The following WDR37 variants were observed in gnomAD, a reference collection of about 807,000 sequenced individuals.
WDR37 encodes the protein WD repeat-containing protein 37.
In WDR37, 19 loss-of-function variants were observed where a neutral mutation model predicts 62.9. The ratio of observed to expected loss-of-function variants is 0.30; its 90% CI spans 0.21 to 0.44. The LOEUF (loss-of-function observed/expected upper bound fraction) is 0.44, where lower values mean the gene tolerates loss of function less well. Ranked by LOEUF, WDR37 falls within the 20% of genes least tolerant of loss-of-function variation. The pLI is 1.00. For synonymous variants in WDR37, 250 were observed against 260.9 expected (o/e 0.96, Z 0.40); for missense variants, 474 against 657.6 (o/e 0.72, Z 3.05).
chr10:1,119,837 T>C (rs74117850), intron 11 of WDR37, among the ~76,000 whole-genome samples: 11,687 of 152,254 alleles, frequency 0.077, 462 homozygotes, highest in East Asian at 0.1. Flanking sequence ...GCAGCCCTTA[T>C]CAGTGACTTA....
At chr10:1,095,361 C>T (rs1211307962) in intron 8 of WDR37, among the ~76,000 whole-genome samples, 1 of 138,894 alleles carries the variant, frequency 7.2e-6, no homozygotes, top group Non-Finnish European at 1.5e-5. Flanking sequence ...GACTGGGAAA[C>T]GTGAGGTAAC....
intron 3 of WDR37, 113 bp downstream of exon 3, chr10:1,078,116 CT>C (rs1282810391): frequency 1.3e-6 from 1 of 779,432 alleles, no homozygotes; most frequent in African/African-American, 1.8e-5. Flanking sequence ...CAAACTTAAA[CT>C]TATTTTAGTG....
chr10:1,066,673 CTG>C, intron 1 of WDR37, among the ~76,000 whole-genome samples: 1 of 152,348 alleles, frequency 6.6e-6, no homozygotes, highest in East Asian at 1.9e-4. Context: ...ATAGGAATCA[CTG>C]TAACTGATTT....
At chr10:1,129,002 TCCATGATCTGTGGC>T (rs1835893012) in intron 13 of WDR37, among the ~76,000 whole-genome samples, 197 bp from the exon 14 acceptor site, 1 of 151,148 alleles carries the variant, frequency 6.6e-6, no homozygotes, top group African/African-American at 2.4e-5. Context: ...TGCACGGTGG[TCCATGATCTGTGGC>T]CCATGCACGG....
At chr10:1,086,911 C>T (rs1033110141) in intron 7 of WDR37, among the ~76,000 whole-genome samples, 21 of 152,338 alleles carry the variant, frequency 1.4e-4, no homozygotes, top group Middle Eastern at 3.4e-3. Flanking sequence ...TCCTCTCGCA[C>T]GTGCTGTGTG....
At chr10:1,100,516 G>T (rs1414206323) in intron 9 of WDR37, among the ~76,000 whole-genome samples, 1 of 152,202 alleles carries the variant, frequency 6.6e-6, no homozygotes, top group Non-Finnish European at 1.5e-5. Context: ...ACTCTAATCT[G>T]TTAAAATCTG....
chr10:1,088,920 C>T (rs753276074), intron 7 of WDR37, among the ~76,000 whole-genome samples: 6 of 152,152 alleles, frequency 3.9e-5, no homozygotes, highest in African/African-American at 1.2e-4. Context: ...TGTACATACA[C>T]GCATAGTCAT....
chr10:1,079,905 A>G, intron 3 of WDR37, 106 bp from the exon 4 acceptor site: 2 of 803,422 alleles, frequency 2.5e-6, no homozygotes, highest in Non-Finnish European at 4.0e-6. Context: ...CTTTGTTTAT[A>G]TAACACTAAT....
intron 1 of WDR37, among the ~76,000 whole-genome samples, chr10:1,064,875 A>G (rs753339139): frequency 6.6e-6 from 1 of 152,068 alleles, no homozygotes; most frequent in Non-Finnish European, 1.5e-5. Context: ...AATTACAGTC[A>G]TGAGCCACTG....
intron 7 of WDR37, 123 bp downstream of exon 7, chr10:1,086,480 G>A (rs747630348): frequency 4.2e-6 from 3 of 711,994 alleles, no homozygotes; most frequent in Non-Finnish European, 7.3e-6. Context: ...GGTTGTCAGG[G>A]GACAGTGTGG....
chr10:1,071,724 A>T (rs1833733648), intron 1 of WDR37, among the ~76,000 whole-genome samples: 1 of 152,230 alleles, frequency 6.6e-6, no homozygotes, highest in Non-Finnish European at 1.5e-5. Context: ...GAAAATTTAC[A>T]TCCATGACTT....
chr10:1,078,436 A>G (rs929314309), intron 3 of WDR37, among the ~76,000 whole-genome samples: 1 of 152,204 alleles, frequency 6.6e-6, no homozygotes, highest in Admixed American at 6.5e-5. Context: ...TATGTGCTTA[A>G]AAATTTATCA....
At position 1,076,610 on chromosome 10, in the gene WDR37, C is replaced by T. The variant is rs190585180; in HGVS notation, c.139-1297C>T. Among the ~76,000 whole-genome samples, 1,136 of 149,280 alleles carry T rather than the reference C, an allele frequency of 7.6e-3. 17 individuals are homozygous for T. Among genetic ancestry groups the T allele is most frequent in the African/African-American group, 0.026 (1,044 of 40,332 alleles). ...AGGAGAATGGCACGAACCTGGGAGGCGGAGCTTGCAGTGAGCCAAGATCGC... is the reference window on the plus strand; with the variant it reads ...AGGAGAATGGCACGAACCTGGGAGGTGGAGCTTGCAGTGAGCCAAGATCGC... On this transcript the variant is annotated intron_variant, in intron 2 of 13. Transcript: ENST00000263150.
rs2131704325 is a variant in WDR37 at position 1,130,362 on chromosome 10, T to G, written c.*1018T>G. ...TCAGTTCAGAAGGCAGGAAAGACAG[T>G]CACACCGACGTGTCCTGAAGGTGTA... On this transcript the variant is annotated 3_prime_UTR_variant, in exon 14 of 14. Transcript: ENST00000263150. 2 of 152,764 alleles carry G rather than the reference T, an allele frequency of 1.3e-5. No homozygotes were observed. Among genetic ancestry groups the G allele is most frequent in the East Asian group, 1.9e-4 (1 of 5,184 alleles). 9.5% of individuals were successfully genotyped at this position (152,764 alleles called of 1,614,324 possible).
At chr10:1,078,068 G>C in intron 3 of WDR37, 65 bp downstream of exon 3, 1 of 1,241,532 alleles carries the variant, frequency 8.1e-7, no homozygotes, top group South Asian at 1.3e-5. Flanking sequence ...TTTATGAATA[G>C]ACATTCATCA....
At chr10:1,085,146 T>C (rs1834160444) in intron 6 of WDR37, among the ~76,000 whole-genome samples, 1 of 151,706 alleles carries the variant, frequency 6.6e-6, no homozygotes, top group Non-Finnish European at 1.5e-5. Context: ...TTTTTTTTTT[T>C]GTATTTTTAG....
chr10:1,089,930 C>T (rs796886073), intron 7 of WDR37, among the ~76,000 whole-genome samples: 1 of 152,182 alleles, frequency 6.6e-6, no homozygotes, highest in Non-Finnish European at 1.5e-5. Flanking sequence ...TGTCTCTCCT[C>T]TTCCTCCTGG....
intron 13 of WDR37, among the ~76,000 whole-genome samples, chr10:1,128,142 G>T (rs1203885006): frequency 1.3e-5 from 2 of 152,138 alleles, no homozygotes; most frequent in African/African-American, 4.8e-5. Flanking sequence ...AGCTATTGTG[G>T]TTCTCTCTCC....
At chr10:1,126,725 G>A (rs946120767) in intron 13 of WDR37, among the ~76,000 whole-genome samples, 5 of 152,192 alleles carry the variant, frequency 3.3e-5, no homozygotes, top group African/African-American at 1.2e-4. Context: ...GGGTGGTCAG[G>A]GAGGCACGTG....
Sources: gnomAD v4.1 joint callset for allele counts (sites outside exome capture counted in the v4.1 genomes callset) on GRCh38, gnomAD v4.1.1 for gene constraint, MANE v1.5 for transcripts, NCBI Gene and HGNC (gene_info 2026-07-23, HGNC 2026-07-21) for gene names.